The following TRAPPC9 variants were observed in gnomAD, a reference collection of about 807,000 sequenced individuals.
TRAPPC9 encodes trafficking protein particle complex subunit 9.
A neutral mutation model predicts 124.0 loss-of-function variants in TRAPPC9; 83 were observed. The observed-to-expected ratio is 0.67, with a 90% CI of 0.56 to 0.80. The LOEUF (loss-of-function observed/expected upper bound fraction) is 0.80. Among genes scored for constraint, TRAPPC9 ranks in the 30% least tolerant of loss-of-function variants. The pLI, the probability that TRAPPC9 is intolerant of heterozygous loss-of-function variation, is 0.00. For missense variants in TRAPPC9, 1,302 were observed against 1,508.3 expected, an observed-to-expected ratio of 0.86 and a Z score of 2.27; for synonymous variants, 638 against 617.5, an observed-to-expected ratio of 1.03 and a Z score of -0.49.
In TRAPPC9 at chr8:139,882,745, C is replaced by A. The variant is rs1829755592; in HGVS notation, c.3055+3134G>T. ...GCTGCACTGAGCACATAATAGACAT[C>A]ATCTCATGTAATCCCTGGAGTAACT... On this transcript the variant is annotated intron_variant, in intron 21 of 22. Coordinates refer to ENST00000438773, the MANE Select transcript of TRAPPC9 (RefSeq NM_001160372.4). Among the ~76,000 whole-genome samples the A allele has an allele frequency of 2.6e-5, 4 of 152,330 alleles. No homozygotes were observed. In the South Asian group the frequency reaches 8.3e-4, roughly 32 times the overall value.
At chr8:140,195,198 T>C (rs573072378) in intron 17 of TRAPPC9, among the ~76,000 whole-genome samples, 1 of 149,328 alleles carries the variant, frequency 6.7e-6, no homozygotes, top group South Asian at 2.1e-4. Context: ...ATCATACCTG[T>C]GAAACTAAAA....
At chr8:140,083,542 C>T (rs941901626) in intron 17 of TRAPPC9, among the ~76,000 whole-genome samples, 9 of 152,106 alleles carry the variant, frequency 5.9e-5, no homozygotes, top group Non-Finnish European at 1.2e-4. Flanking sequence ...TCAGCACCAC[C>T]GTTCACAAGC....
In TRAPPC9 at chr8:140,184,800, T is replaced by C. The variant is rs991875146; in HGVS notation, c.2556+36659A>G. On this transcript the variant is annotated intron_variant, in intron 17 of 22. Transcript: ENST00000438773. Reference sequence around the variant, plus strand: ...TCACACAAAATATGAATAAGGTCCATGAATTATTACAAAGCACACATCTAA... The same window carrying C: ...TCACACAAAATATGAATAAGGTCCACGAATTATTACAAAGCACACATCTAA... Among the ~76,000 whole-genome samples, 5 of 152,060 alleles carry C rather than the reference T, an allele frequency of 3.3e-5. No individual in the cohort carries two copies. The East Asian group carries it at 9.6e-4, about 29-fold the overall frequency.
chr8:140,290,233 C>T (rs543295780), intron 12 of TRAPPC9, among the ~76,000 whole-genome samples: 19 of 152,314 alleles, frequency 1.2e-4, no homozygotes, highest in Non-Finnish European at 2.4e-4. Flanking sequence ...GAAAGGCCCG[C>T]CTCTTACCCT....
At chr8:140,060,275 G>T (rs935469596) in intron 17 of TRAPPC9, among the ~76,000 whole-genome samples, 4 of 152,150 alleles carry the variant, frequency 2.6e-5, no homozygotes, top group African/African-American at 4.8e-5. Flanking sequence ...GTCCCACGAG[G>T]TCCCTCCCCT....
chr8:139,856,985 T>C (rs1827840744), intron 21 of TRAPPC9, among the ~76,000 whole-genome samples: 1 of 151,428 alleles, frequency 6.6e-6, no homozygotes, highest in African/African-American at 2.4e-5. Flanking sequence ...AGCACTGAGG[T>C]CTGAGAGAGG....
Position 139,731,155 on chromosome 8 carries a change from A to ATGTGGAGGAAGAAGTCTCCCG in TRAPPC9, c.3332_3352dup (p.Thr1111_His1117dup), listed in dbSNP as rs1461117321. The ATGTGGAGGAAGAAGTCTCCCG allele has an allele frequency of 1.2e-6, 2 of 1,614,000 alleles. No homozygotes were observed. Among genetic ancestry groups the ATGTGGAGGAAGAAGTCTCCCG allele is most frequent in the South Asian group, 1.1e-5 (1 of 91,090 alleles). ...GCTGGTGCTGTCCTCGTGGAACCGG[A>ATGTGGAGGAAGAAGTCTCCCG]TGTGGAGGAAGAAGTCTCCCGTGTA... On this transcript the variant is annotated inframe_insertion, in exon 23 of 23. Coordinates refer to ENST00000438773, the MANE Select transcript of TRAPPC9 (RefSeq NM_001160372.4).
chr8:140,419,956 T>A (rs565420502), intron 5 of TRAPPC9, among the ~76,000 whole-genome samples: 2 of 151,980 alleles, frequency 1.3e-5, no homozygotes, highest in African/African-American at 4.8e-5. Context: ...TAGAAAATCC[T>A]AAAAAATCCA....
chr8:140,133,213 T>G (rs539064696), intron 17 of TRAPPC9, among the ~76,000 whole-genome samples: 2 of 152,166 alleles, frequency 1.3e-5, no homozygotes, highest in South Asian at 2.1e-4. Context: ...CTATGTACCA[T>G]GACCAAGGGG....
At position 139,821,964 on chromosome 8, in the gene TRAPPC9, G is replaced by A. The variant is rs575373503; in HGVS notation, c.3055+63915C>T. On this transcript the variant is annotated intron_variant, in intron 21 of 22. Coordinates refer to ENST00000438773, the MANE Select transcript of TRAPPC9 (RefSeq NM_001160372.4). ...AAATTGTTCCTTACTCTGAGAATTC[G>A]TTAAGTGGCTGAGCAATAAAGAAGA... is the stretch of plus-strand genomic sequence containing the variant. Among the ~76,000 whole-genome samples, 10 of 152,344 alleles carry A rather than the reference G, an allele frequency of 6.6e-5. No homozygotes were observed. In the South Asian group the frequency reaches 1.9e-3, roughly 28 times the overall value.
At chr8:140,238,020 C>T (rs186745217) in intron 16 of TRAPPC9, among the ~76,000 whole-genome samples, 2 of 152,234 alleles carry the variant, frequency 1.3e-5, no homozygotes, top group Admixed American at 1.3e-4. Context: ...GGTAGTGATC[C>T]GTAGAAATCA....
intron 19 of TRAPPC9, among the ~76,000 whole-genome samples, chr8:139,945,710 T>A (rs1223269398): frequency 1.3e-5 from 2 of 152,204 alleles, no homozygotes; most frequent in Non-Finnish European, 2.9e-5. Context: ...CTCACCAGGA[T>A]GAAGCTCATG....
chr8:139,992,061 A>T (rs763925393), intron 18 of TRAPPC9, among the ~76,000 whole-genome samples: 23 of 152,092 alleles, frequency 1.5e-4, no homozygotes, highest in East Asian at 1.9e-4. Flanking sequence ...ATAAACTTAT[A>T]AAAAAAAGCT....
At chr8:140,376,614 G>A (rs933852549) in intron 7 of TRAPPC9, among the ~76,000 whole-genome samples, 4 of 149,338 alleles carry the variant, frequency 2.7e-5, no homozygotes, top group African/African-American at 7.4e-5. Flanking sequence ...CGTGGCTCAT[G>A]CCGATAATCT....
In TRAPPC9 at chr8:140,135,976, A is replaced by G. The variant is rs555781015; in HGVS notation, c.2556+85483T>C. Among the ~76,000 whole-genome samples, 3 of 152,354 alleles carry G rather than the reference A, an allele frequency of 2.0e-5. No homozygotes were observed. In the East Asian group the frequency reaches 5.8e-4, roughly 29 times the overall value. On this transcript the variant is annotated intron_variant, in intron 17 of 22. Transcript: ENST00000438773. ...AAAGATGCATCATGATGATAAAACAAAAGTGACAAATTACTAAACTCCAAT... is the reference window on the plus strand; with the variant it reads ...AAAGATGCATCATGATGATAAAACAGAAGTGACAAATTACTAAACTCCAAT...
chr8:140,053,161 G>A (rs754108772), intron 17 of TRAPPC9, among the ~76,000 whole-genome samples: 32 of 152,172 alleles, frequency 2.1e-4, no homozygotes, highest in Non-Finnish European at 3.5e-4. Flanking sequence ...CACAGGATTC[G>A]TGAGAGAAAG....
At chr8:140,114,341 A>AAT (rs1194118534) in intron 17 of TRAPPC9, among the ~76,000 whole-genome samples, 1 of 151,596 alleles carries the variant, frequency 6.6e-6, no homozygotes, top group African/African-American at 2.4e-5. Flanking sequence ...AGAAAAAAAA[A>AAT]AAAAAAAAAA....
At chr8:140,091,149 T>C (rs1450601673) in intron 17 of TRAPPC9, among the ~76,000 whole-genome samples, 3 of 152,122 alleles carry the variant, frequency 2.0e-5, no homozygotes, top group Admixed American at 6.5e-5. Context: ...ACGCAATAGC[T>C]CATCTGAAGC....
At chr8:140,222,895 G>C (rs137880304) in intron 16 of TRAPPC9, among the ~76,000 whole-genome samples, 120 of 152,324 alleles carry the variant, frequency 7.9e-4, no homozygotes, top group African/African-American at 2.8e-3. Context: ...TACTGATTTT[G>C]ACTTAAGATA....
Sources: gnomAD v4.1 joint callset for allele counts (sites outside exome capture counted in the v4.1 genomes callset) on GRCh38, gnomAD v4.1.1 for gene constraint, MANE v1.5 for transcripts, NCBI Gene and HGNC (gene_info 2026-07-23, HGNC 2026-07-21) for gene names.